Variants in ANXA2 observed in about 807,000 individuals in gnomAD.
ANXA2 encodes the protein annexin II.
A neutral mutation model predicts 47.3 loss-of-function variants in ANXA2; 28 were observed. The observed-to-expected ratio is 0.59, with a 90% confidence interval of 0.44 to 0.81. The LOEUF (loss-of-function observed/expected upper bound fraction) is 0.81. Among genes scored for constraint, ANXA2 ranks in the 40% least tolerant of loss-of-function variants. The pLI is 0.00. For missense variants in ANXA2, 384 were observed against 414.3 expected, an observed-to-expected ratio of 0.93 and a Z score of 0.64; for synonymous variants, 172 against 155.5, an observed-to-expected ratio of 1.11 and a Z score of -0.79.
intron 5 of ANXA2, among the ~76,000 whole-genome samples, chr15:60,357,945 G>T (rs187497306): frequency 6.6e-6 from 1 of 152,254 alleles, no homozygotes; most frequent in African/African-American, 2.4e-5. Context: ...TATTTTAACA[G>T]ATTAGAAATT....
chr15:60,354,048 G>T, intron 8 of ANXA2, 106 bp downstream of exon 8: 1 of 826,016 alleles, frequency 1.2e-6, no homozygotes, highest in Non-Finnish European at 1.9e-6. Flanking sequence ...GTTGTTTTAA[G>T]CCACAGAGTT....
intron 2 of ANXA2, chr15:60,384,796 G>T (rs1048014251): frequency 6.6e-6 from 1 of 152,176 alleles, no homozygotes; most frequent in African/African-American, 2.4e-5. Context: ...CAATACAGAG[G>T]GTCTTGCACC....
chr15:60,378,564 A>T (rs2062811909), intron 3 of ANXA2, among the ~76,000 whole-genome samples: 1 of 152,202 alleles, frequency 6.6e-6, no homozygotes, highest in Non-Finnish European at 1.5e-5. Flanking sequence ...TTTCTTCGCA[A>T]TAGTTCCTAA....
At chr15:60,367,400 G>T (rs1475138117) in intron 3 of ANXA2, among the ~76,000 whole-genome samples, 1 of 77,310 alleles carries the variant, frequency 1.3e-5, no homozygotes, top group East Asian at 4.5e-4. Flanking sequence ...AGGCGGGGGG[G>T]GGTCGGCCAG....
chr15:60,378,522 A>G (rs142960932), intron 3 of ANXA2, among the ~76,000 whole-genome samples: 1 of 152,334 alleles, frequency 6.6e-6, no homozygotes, highest in Non-Finnish European at 1.5e-5. Context: ...CAATGCTAAT[A>G]TTAGCACTGA....
chr15:60,388,691 T>TAC (rs1410465503), intron 1 of ANXA2, among the ~76,000 whole-genome samples: 1 of 150,030 alleles, frequency 6.7e-6, no homozygotes, highest in Non-Finnish European at 1.5e-5. Context: ...CGCCTTAGCC[T>TAC]ACCAAAGCAC....
intron 3 of ANXA2, among the ~76,000 whole-genome samples, chr15:60,367,330 G>A (rs2062637654): frequency 8.4e-6 from 1 of 118,478 alleles, no homozygotes; most frequent in South Asian, 3.1e-4. Flanking sequence ...CCTCTGCCCG[G>A]CCGCCCCTAC....
At chr15:60,397,331 A>T in intron 1 of ANXA2, 1 of 985,706 alleles carries the variant, frequency 1.0e-6, no homozygotes, top group Non-Finnish European at 1.2e-6. Flanking sequence ...GCTATGCTAC[A>T]AGATAACCTA....
intron 1 of ANXA2, chr15:60,390,603 A>G (rs1385670982): frequency 1.4e-5 from 4 of 287,224 alleles, no homozygotes; most frequent in Non-Finnish European, 2.7e-5. Flanking sequence ...AGATCTAAGA[A>G]AATGCTGGCT....
intron 1 of ANXA2, among the ~76,000 whole-genome samples, chr15:60,389,671 G>A (rs2062981481): frequency 6.6e-6 from 1 of 152,122 alleles, no homozygotes; most frequent in African/African-American, 2.4e-5. Flanking sequence ...ATTTAATCTT[G>A]TCAAAATCAT....
chr15:60,369,284 G>A (rs985324962), intron 3 of ANXA2, among the ~76,000 whole-genome samples: 1 of 152,224 alleles, frequency 6.6e-6, no homozygotes, highest in African/African-American at 2.4e-5. Context: ...CCACACATGC[G>A]TGTTCGCTTG....
intron 8 of ANXA2, 108 bp downstream of exon 8, chr15:60,354,046 A>T: frequency 1.2e-6 from 1 of 811,008 alleles, no homozygotes; most frequent in Non-Finnish European, 1.9e-6. Flanking sequence ...TTGTTGTTTT[A>T]AGCCACAGAG....
chr15:60,370,029 C>CA (rs1188178260), intron 3 of ANXA2, among the ~76,000 whole-genome samples: 1 of 152,124 alleles, frequency 6.6e-6, no homozygotes, highest in East Asian at 1.9e-4. Context: ...GAATTTAATC[C>CA]AATTATCGGA....
chr15:60,395,111 G>T (rs998216677), intron 1 of ANXA2, among the ~76,000 whole-genome samples: 4 of 152,176 alleles, frequency 2.6e-5, no homozygotes, highest in African/African-American at 7.2e-5. Flanking sequence ...TGAAGTTTAG[G>T]TCTGTGGAAC....
At chr15:60,371,754 G>A (rs2062713113) in intron 3 of ANXA2, among the ~76,000 whole-genome samples, 1 of 152,216 alleles carries the variant, frequency 6.6e-6, no homozygotes, top group South Asian at 2.1e-4. Flanking sequence ...AAGCTGAGAA[G>A]AAATCATCTT....
At position 60,349,157 on chromosome 15, in the gene ANXA2, A is replaced by G. The variant is rs17852168; in HGVS notation, c.878T>C (p.Val293Ala). ...CAACATGTCCACTTCACTGCGGGAG[A>G]CCATGATTCTGATCAGGACCTTATC... ...TRDKVLIRIM[V>A]SRSEVDMLKI... The change falls in exon 12 of 13, where the codon GTC becomes GCC. Residue 293 changes from valine to alanine, a missense_variant. Physicochemically the swap from Val to Ala is moderately conservative, Grantham distance 64 (BLOSUM62 0). Coordinates refer to ENST00000451270, the MANE Select transcript of ANXA2 (RefSeq NM_004039.3). The G allele has an allele frequency of 1.9e-6, 3 of 1,614,006 alleles. No homozygotes were observed. The South Asian group carries it at 3.3e-5, about 18-fold the overall frequency.
intron 3 of ANXA2, among the ~76,000 whole-genome samples, chr15:60,367,570 A>T (rs866373479): frequency 8.4e-4 from 27 of 32,078 alleles, no homozygotes; most frequent in East Asian, 2.4e-3. Flanking sequence ...GGTGGGGGGG[A>T]CAGCCCCCCG....
chr15:60,358,062 T>C (rs1223192555), intron 5 of ANXA2, among the ~76,000 whole-genome samples: 1 of 152,252 alleles, frequency 6.6e-6, no homozygotes, highest in African/African-American at 2.4e-5. Flanking sequence ...AAGGTATAGT[T>C]AAGAAAAAAT....
intron 1 of ANXA2, chr15:60,396,216 C>T (rs1465619538): frequency 2.0e-5 from 3 of 152,132 alleles, no homozygotes; most frequent in Admixed American, 1.3e-4. Flanking sequence ...CGACCACGCC[C>T]AGTATCGTTG....
Sources: gnomAD v4.1 joint callset for allele counts (sites outside exome capture counted in the v4.1 genomes callset) on GRCh38, gnomAD v4.1.1 for gene constraint, MANE v1.5 for transcripts, NCBI Gene and HGNC (gene_info 2026-07-23, HGNC 2026-07-21) for gene names.